The following COL24A1 variants were observed in gnomAD, a reference collection of about 807,000 sequenced individuals.
COL24A1 encodes collagen alpha-1(XXIV) chain.
COL24A1 carries 224 observed loss-of-function variants against 253.9 expected under a neutral mutation model. The observed-to-expected ratio is 0.88, with a 90% CI of 0.79 to 0.99. The LOEUF (loss-of-function observed/expected upper bound fraction) is 0.99, where lower values mean the gene tolerates loss of function less well. COL24A1 is among the 50% of genes least tolerant of loss of function. COL24A1 has a pLI of 0.00. For missense variants in COL24A1, 2,131 were observed against 2,068.5 expected, an observed-to-expected ratio of 1.03 and a Z score of -0.59; for synonymous variants, 685 against 673.7, an observed-to-expected ratio of 1.02 and a Z score of -0.26.
intron 2 of COL24A1, among the ~76,000 whole-genome samples, chr1:86,133,091 T>G (rs1649555320): frequency 6.6e-6 from 1 of 152,204 alleles, no homozygotes; most frequent in African/African-American, 2.4e-5. Context: ...GCTGGATTCC[T>G]AGGTATTTTA....
intron 55 of COL24A1, among the ~76,000 whole-genome samples, chr1:85,754,679 C>G (rs1254572367): frequency 6.6e-6 from 1 of 150,492 alleles, no homozygotes; most frequent in Non-Finnish European, 1.5e-5. Flanking sequence ...AGTACAATAG[C>G]TGAAATAAAA....
intron 5 of COL24A1, among the ~76,000 whole-genome samples, chr1:86,103,871 C>T (rs1232146594): frequency 6.6e-6 from 1 of 152,078 alleles, no homozygotes; most frequent in African/African-American, 2.4e-5. Flanking sequence ...TGGGGATGAT[C>T]TTCTTGGGAG....
intron 55 of COL24A1, among the ~76,000 whole-genome samples, chr1:85,756,932 G>A (rs1034673832): frequency 3.3e-5 from 5 of 152,166 alleles, no homozygotes; most frequent in Admixed American, 6.5e-5. Flanking sequence ...AAGATATTAC[G>A]TTAAGTGAAA....
intron 28 of COL24A1, among the ~76,000 whole-genome samples, chr1:85,897,450 A>T (rs900606172): frequency 7.2e-6 from 1 of 138,870 alleles, no homozygotes; most frequent in Non-Finnish European, 1.5e-5. Context: ...TAGCTGGAAT[A>T]AAAAAAAAAA....
intron 53 of COL24A1, among the ~76,000 whole-genome samples, chr1:85,771,177 C>T (rs913315347): frequency 3.3e-5 from 5 of 151,854 alleles, no homozygotes; most frequent in Non-Finnish European, 5.9e-5. Flanking sequence ...TAGGTATATT[C>T]GTGCCATGGT....
At chr1:85,783,797 A>G (rs1242091556) in intron 50 of COL24A1, among the ~76,000 whole-genome samples, 2 of 152,298 alleles carry the variant, frequency 1.3e-5, no homozygotes, top group African/African-American at 4.8e-5. Flanking sequence ...GTAAAATGTT[A>G]ATGGTAAAAT....
chr1:86,079,460 C>G (rs1360962534), intron 7 of COL24A1, among the ~76,000 whole-genome samples: 1 of 152,032 alleles, frequency 6.6e-6, no homozygotes, highest in Non-Finnish European at 1.5e-5. Context: ...AATGGGATTG[C>G]ATCAAGTTAA....
At chr1:85,949,649 T>A (rs1043619086) in intron 24 of COL24A1, among the ~76,000 whole-genome samples, 1 of 152,190 alleles carries the variant, frequency 6.6e-6, no homozygotes, top group African/African-American at 2.4e-5. Context: ...TTGAAGCATT[T>A]CGCTGTCATT....
At chr1:85,902,767 G>A (rs960081607) in intron 28 of COL24A1, among the ~76,000 whole-genome samples, 1 of 152,130 alleles carries the variant, frequency 6.6e-6, no homozygotes, top group African/African-American at 2.4e-5. Context: ...GTGTATGGAT[G>A]GGAGAGGGAG....
intron 5 of COL24A1, among the ~76,000 whole-genome samples, chr1:86,111,220 G>T (rs1276450720): frequency 1.3e-5 from 2 of 148,752 alleles, no homozygotes; most frequent in African/African-American, 2.5e-5. Flanking sequence ...GGGGTTTGTG[G>T]ATACACCAAT....
At chr1:86,024,773 T>C (rs1318233106) in intron 14 of COL24A1, among the ~76,000 whole-genome samples, 1 of 152,156 alleles carries the variant, frequency 6.6e-6, no homozygotes, top group Non-Finnish European at 1.5e-5. Flanking sequence ...AAAATATCTC[T>C]GTTTGGAAAT....
chr1:86,036,855 T>A (rs1699074861), intron 12 of COL24A1, among the ~76,000 whole-genome samples: 1 of 152,220 alleles, frequency 6.6e-6, no homozygotes, highest in Non-Finnish European at 1.5e-5. Context: ...AAAATTATTA[T>A]CATTAATTTA....
chr1:85,945,028 T>TTTTTG, intron 24 of COL24A1, among the ~76,000 whole-genome samples: 1 of 121,346 alleles, frequency 8.2e-6, no homozygotes, highest in East Asian at 2.3e-4. Context: ...TTTTTTTTTT[T>TTTTTG]TTTTTTTGAG....
chr1:85,745,419 T>C, intron 56 of COL24A1, 22 bp downstream of exon 56: 1 of 1,578,776 alleles, frequency 6.3e-7, no homozygotes, highest in Non-Finnish European at 8.6e-7. Flanking sequence ...AGTGCCAATA[T>C]AAATAAAACC....
At chr1:86,071,783 T>G (rs1220218073) in intron 7 of COL24A1, among the ~76,000 whole-genome samples, 1 of 152,042 alleles carries the variant, frequency 6.6e-6, no homozygotes. Context: ...CCTACTACAA[T>G]AATTGCTGGA....
At chr1:85,879,658 A>C (rs771324157) in intron 32 of COL24A1, among the ~76,000 whole-genome samples, 1 of 152,212 alleles carries the variant, frequency 6.6e-6, no homozygotes, top group Non-Finnish European at 1.5e-5. Context: ...TATATGTTAT[A>C]TGTATTGTAT....
At chr1:85,956,054 T>C (rs371432644) in intron 24 of COL24A1, among the ~76,000 whole-genome samples, 1 of 152,242 alleles carries the variant, frequency 6.6e-6, no homozygotes, top group Non-Finnish European at 1.5e-5. Flanking sequence ...GATTACCTGA[T>C]GCAGAAAAGA....
intron 58 of COL24A1, among the ~76,000 whole-genome samples, chr1:85,735,273 T>C (rs1250604111): frequency 1.3e-5 from 2 of 152,210 alleles, no homozygotes; most frequent in African/African-American, 4.8e-5. Flanking sequence ...TGTTAACAAG[T>C]GGCTTTCCTG....
intron 19 of COL24A1, among the ~76,000 whole-genome samples, chr1:85,991,762 A>T (rs572588244): frequency 2.0e-5 from 3 of 152,298 alleles, no homozygotes; most frequent in African/African-American, 7.2e-5. Flanking sequence ...GAAGAAAAAG[A>T]TGTCAACACA....
Sources: gnomAD v4.1 joint callset for allele counts (sites outside exome capture counted in the v4.1 genomes callset) on GRCh38, gnomAD v4.1.1 for gene constraint, MANE v1.5 for transcripts, NCBI Gene and HGNC (gene_info 2026-07-23, HGNC 2026-07-21) for gene names.